The following TAAR2 variants were observed in gnomAD, a reference collection of about 807,000 sequenced individuals.
The protein encoded by TAAR2 is trace amine associated receptor 2.
TAAR2 carries 30 observed loss-of-function variants against 25.5 expected under a neutral mutation model. The observed-to-expected ratio is 1.18, with a 90% CI of 0.88 to 1.60. TAAR2 has a LOEUF of 1.60. Ranked by LOEUF, TAAR2 falls within the 40% of genes most tolerant of loss-of-function variation. The probability of loss-of-function intolerance (pLI) is 0.00; values close to 1 mark genes in which losing one functional copy is unlikely to be tolerated. For missense variants in TAAR2, 481 were observed against 416.5 expected, an observed-to-expected ratio of 1.15 and a Z score of -1.35; for synonymous variants, 150 against 142.4, an observed-to-expected ratio of 1.05 and a Z score of -0.38.
At chr6:132,620,816 C>CAG (rs36090102) in intron 1 of TAAR2, among the ~76,000 whole-genome samples, 102,666 of 151,236 alleles carry the variant, frequency 0.68, 36,004 homozygotes, top group African/African-American at 0.86. Context: ...AGTTAAAAAA[C>CAG]ACACATTAAA....
chr6:132,621,802 G>A (rs1235396200), intron 1 of TAAR2, among the ~76,000 whole-genome samples: 1 of 152,022 alleles, frequency 6.6e-6, no homozygotes, highest in Non-Finnish European at 1.5e-5. Context: ...ATGCCACAAA[G>A]TATGGAGGGG....
At chr6:132,624,119 G>A in intron 1 of TAAR2, 97 bp downstream of exon 1, 3 of 1,149,076 alleles carry the variant, frequency 2.6e-6, no homozygotes, top group African/African-American at 1.5e-5. Context: ...TGGAGGAATT[G>A]AGCATAATTA....
At chr6:132,624,064 G>T in intron 1 of TAAR2, 152 bp downstream of exon 1, 1 of 754,280 alleles carries the variant, frequency 1.3e-6, no homozygotes, top group Non-Finnish European at 2.1e-6. Context: ...TTTTTTCTTT[G>T]ATAAATGTGA....
rs372131066 is a variant in TAAR2, at chr6:132,621,198, A to T, written c.60+3018T>A. On this transcript the variant is annotated intron_variant, in intron 1 of 1. Transcript: ENST00000367931. Reference sequence around the variant, plus strand: ...CAACAAATAACGAACATCCTTTTAAAACACATACAACATTCTTGTGCTTAA... The same window carrying T: ...CAACAAATAACGAACATCCTTTTAATACACATACAACATTCTTGTGCTTAA... Among the ~76,000 whole-genome samples, 5 of 152,074 alleles carry T rather than the reference A, an allele frequency of 3.3e-5. No individual in the cohort carries two copies. The East Asian group carries it at 5.8e-4, about 18-fold the overall frequency.
At chr6:132,622,548 C>A (rs1777388887) in intron 1 of TAAR2, among the ~76,000 whole-genome samples, 1 of 126,324 alleles carries the variant, frequency 7.9e-6, no homozygotes, top group Admixed American at 1.0e-4. Flanking sequence ...TGCAATGGTG[C>A]AATCTCGGCT....
rs540310216 is a variant in TAAR2, at chr6:132,623,585, T to G, written c.60+631A>C. ...TTGTTAACTCCTTACCGAAGGAACT[T>G]TTTTCTTTGTTTCTTCTCTAACTAC... On this transcript the variant is annotated intron_variant, in intron 1 of 1. Transcript: ENST00000367931. 2.6e-5 allele frequency among the ~76,000 whole-genome samples: 4 copies of G among 152,226 alleles called. No individual in the cohort carries two copies. In the South Asian group the frequency reaches 8.3e-4, roughly 32 times the overall value.
intron 1 of TAAR2, 182 bp from the exon 2 acceptor site, chr6:132,618,327 T>G (rs1026614838): frequency 1.3e-6 from 1 of 760,564 alleles, no homozygotes; most frequent in Non-Finnish European, 2.0e-6. Flanking sequence ...TTTGTAGAAT[T>G]GTAACCTAAT....
intron 1 of TAAR2, among the ~76,000 whole-genome samples, chr6:132,619,236 T>C (rs1225093665): frequency 6.6e-6 from 1 of 152,204 alleles, no homozygotes; most frequent in Non-Finnish European, 1.5e-5. Context: ...CCATCTCTAC[T>C]ACAAGAAAAT....
chr6:132,618,402 G>A (rs1019414038), intron 1 of TAAR2, among the ~76,000 whole-genome samples: 3 of 152,174 alleles, frequency 2.0e-5, no homozygotes, highest in African/African-American at 7.2e-5. Context: ...CACTTTAGGA[G>A]GTCGAGGCAG....
chr6:132,618,055 C>T lies in TAAR2; in HGVS notation c.151G>A (p.Ala51Thr), dbSNP rs779806530. Reference protein sequence around the residue: ...GVRVAMYSFMAGSIFITIFGN... With the variant: ...GVRVAMYSFMTGSIFITIFGN... ...AATATTGTGATGAATATGGATCCTG[C>T]CATAAATGAATACATAGCCACTCGG... The change falls in exon 2 of 2, where the codon GCA becomes ACA. Residue 51 changes from alanine to threonine, a missense_variant. Ala to Thr is a moderately conservative substitution (Grantham distance 58). Coordinates refer to ENST00000367931, the MANE Select transcript of TAAR2 (RefSeq NM_001033080.1). The T allele has an allele frequency of 5.6e-6, 9 of 1,613,780 alleles. No homozygotes were observed. The highest frequency in any genetic ancestry group is 1.7e-5 in the Admixed American group (1 of 59,974).
chr6:132,621,992 A>G (rs1162275481), intron 1 of TAAR2, among the ~76,000 whole-genome samples: 1 of 152,198 alleles, frequency 6.6e-6, no homozygotes, highest in Non-Finnish European at 1.5e-5. Flanking sequence ...AGCTAAATGT[A>G]AAAGCAGTAT....
chr6:132,621,990 G>A (rs1777381189), intron 1 of TAAR2, among the ~76,000 whole-genome samples: 1 of 152,054 alleles, frequency 6.6e-6, no homozygotes, highest in Admixed American at 6.6e-5. Context: ...AAAGCTAAAT[G>A]TAAAAGCAGT....
chr6:132,624,150 C>CATTTT lies in TAAR2; in HGVS notation c.60+65_60+66insAAAAT, dbSNP rs58998645. 8.8e-4 allele frequency: 1,291 copies of CATTTT among 1,461,264 alleles called. 12 individuals are homozygous for CATTTT. In the African/African-American group the frequency reaches 0.016, roughly 18 times the overall value. The allele number at this position is 1,461,264 out of a possible 1,614,324, so 90.5% of individuals were successfully genotyped here. ...AATTATTATCTTTGTAAATAATTCA[C>CATTTT]ATGTTTATGCCAAAATCTTCTCAGA... On this transcript the variant is annotated intron_variant, in intron 1 of 1. Coordinates refer to ENST00000367931, the MANE Select transcript of TAAR2 (RefSeq NM_001033080.1).
At chr6:132,621,204 T>C (rs1257076421) in intron 1 of TAAR2, among the ~76,000 whole-genome samples, 4 of 151,712 alleles carry the variant, frequency 2.6e-5, no homozygotes, top group African/African-American at 9.7e-5. Flanking sequence ...TTAAAACACA[T>C]ACAACATTCT....
rs779230627 is a variant in TAAR2 at position 132,617,635 on chromosome 6, A to T, written c.571T>A (p.Tyr191Asn). 9 of 1,613,910 alleles carry T rather than the reference A, an allele frequency of 5.6e-6. No homozygotes were observed. Among genetic ancestry groups the T allele is most frequent in the Non-Finnish European group, 7.6e-6 (9 of 1,179,990 alleles). The change falls in exon 2 of 2, where the codon TAT (tyrosine) becomes AAT (asparagine). Residue 191 changes from tyrosine to asparagine, a missense_variant. Transcript: ENST00000367931. Reference protein sequence around the residue: ...SEAYADGIEGYDILVACSSSC... With the variant: ...SEAYADGIEGNDILVACSSSC... ...CTGGAACAAGCAACCAAGATGTCAT[A>T]GCCCTCTATTCCATCTGCATAGGCC...
intron 1 of TAAR2, among the ~76,000 whole-genome samples, chr6:132,622,503 T>TTTTTTTTA (rs869243192): frequency 7.6e-6 from 1 of 131,910 alleles, no homozygotes. Flanking sequence ...TTTTTTTTTT[T>TTTTTTTTA]GAGGCGGAGT....
At position 132,617,600 on chromosome 6, in the gene TAAR2, T is replaced by C. The variant is rs767919646; in HGVS notation, c.606A>G (p.Pro202=). The change falls in exon 2 of 2, where the codon CCA becomes CCG. Residue 202 remains proline (P), a synonymous_variant. Coordinates refer to ENST00000367931, the MANE Select transcript of TAAR2 (RefSeq NM_001033080.1). ...DILVACSSSC[P]VMFNKLWGTT... ...TCCCCCATAGCTTGTTGAACATCAC[T>C]GGGCAGGAACTGGAACAAGCAACCA... is the stretch of plus-strand genomic sequence containing the variant. The C allele has an allele frequency of 1.9e-5, 31 of 1,613,906 alleles. No homozygotes were observed. Among genetic ancestry groups the C allele is most frequent in the Non-Finnish European group, 2.5e-5 (30 of 1,179,980 alleles).
intron 1 of TAAR2, among the ~76,000 whole-genome samples, chr6:132,623,646 ATG>A (rs1196228983): frequency 6.6e-6 from 1 of 150,934 alleles, no homozygotes; most frequent in Non-Finnish European, 1.5e-5. Flanking sequence ...GACCTAAACT[ATG>A]TGAGTTGTGC....
rs750664692 is a variant in TAAR2, at chr6:132,617,769, C to T, written c.437G>A (p.Cys146Tyr). The T allele has an allele frequency of 3.7e-6, 6 of 1,614,012 alleles. No individual in the cohort carries two copies. Among genetic ancestry groups the T allele is most frequent in the Non-Finnish European group, 5.1e-6 (6 of 1,179,980 alleles). The stretch of plus-strand genomic sequence containing the variant: ...TTTGGTGGAATAAAGTAATGGGTAA[C>T]ATATAGCATAAAATCTATCAATGGC... ...SVAIDRFYAI[C>Y]YPLLYSTKIT... The change falls in exon 2 of 2, where the codon TGT (cysteine) becomes TAT (tyrosine). Residue 146 changes from cysteine (C) to tyrosine (Y), a missense_variant. Transcript: ENST00000367931.
Sources: gnomAD v4.1 joint callset for allele counts (sites outside exome capture counted in the v4.1 genomes callset) on GRCh38, gnomAD v4.1.1 for gene constraint, MANE v1.5 for transcripts, NCBI Gene and HGNC (gene_info 2026-07-23, HGNC 2026-07-21) for gene names.